The following EPHB1 variants were observed in gnomAD, a reference collection of about 807,000 sequenced individuals.
EPHB1 encodes ephrin type-B receptor 1.
A neutral mutation model predicts 94.4 loss-of-function variants in EPHB1; 30 were observed. The observed-to-expected ratio is 0.32, with a 90% CI of 0.24 to 0.43. The LOEUF is 0.43. Among genes scored for constraint, EPHB1 ranks in the 20% least tolerant of loss-of-function variants. EPHB1 has a pLI of 1.00. For missense variants in EPHB1, 1,055 were observed against 1,308.3 expected, an observed-to-expected ratio of 0.81 and a Z score of 2.99; for synonymous variants, 522 against 489.1, an observed-to-expected ratio of 1.07 and a Z score of -0.89.
At chr3:135,174,822 G>A (rs1336778682) in intron 9 of EPHB1, among the ~76,000 whole-genome samples, 8 of 152,118 alleles carry the variant, frequency 5.3e-5, no homozygotes, top group African/African-American at 1.9e-4. Context: ...CCAGAATGAA[G>A]AACAAAAAGC....
chr3:134,979,207 T>A (rs564469031), intron 3 of EPHB1, among the ~76,000 whole-genome samples: 77 of 151,152 alleles, frequency 5.1e-4, no homozygotes, highest in Non-Finnish European at 9.4e-4. Context: ...TATTTTTAAC[T>A]TGGAATATTA....
chr3:134,933,943 C>T (rs562436453), intron 2 of EPHB1, among the ~76,000 whole-genome samples: 9 of 152,224 alleles, frequency 5.9e-5, no homozygotes, highest in Admixed American at 1.3e-4. Flanking sequence ...CTTTCTCAAC[C>T]GAGAGGCCCA....
At chr3:135,030,224 C>T (rs1173392036) in intron 3 of EPHB1, among the ~76,000 whole-genome samples, 3 of 152,326 alleles carry the variant, frequency 2.0e-5, no homozygotes, top group African/African-American at 4.8e-5. Context: ...TCTCTCAGCT[C>T]GTCAAAGTCA....
chr3:135,143,555 G>A (rs1940902674), intron 5 of EPHB1, among the ~76,000 whole-genome samples: 1 of 152,188 alleles, frequency 6.6e-6, no homozygotes, highest in South Asian at 2.1e-4. Context: ...CCTCTCCACT[G>A]CTAGTGTTTG....
At chr3:134,911,224 G>T (rs2038446028) in intron 1 of EPHB1, among the ~76,000 whole-genome samples, 1 of 152,222 alleles carries the variant, frequency 6.6e-6, no homozygotes, top group Non-Finnish European at 1.5e-5. Context: ...GCAAGGTGTG[G>T]CAGCCCATGG....
intron 3 of EPHB1, among the ~76,000 whole-genome samples, chr3:135,045,797 A>G (rs1214941179): frequency 1.3e-5 from 2 of 152,330 alleles, no homozygotes; most frequent in East Asian, 3.9e-4. Flanking sequence ...TAAAAGTTCC[A>G]TTGGAAGTTC....
intron 1 of EPHB1, among the ~76,000 whole-genome samples, chr3:134,814,742 G>A (rs920324357): frequency 7.2e-5 from 11 of 152,178 alleles, no homozygotes; most frequent in Admixed American, 1.3e-4. Context: ...ATCTTGTTGC[G>A]TCCCAAGTCC....
chr3:134,912,223 G>A (rs1189458152), intron 1 of EPHB1, among the ~76,000 whole-genome samples: 2 of 152,212 alleles, frequency 1.3e-5, no homozygotes, highest in Non-Finnish European at 2.9e-5. Context: ...ACAAAGAGCA[G>A]GAGGCAGCAG....
chr3:135,118,497 G>A (rs7647433), intron 4 of EPHB1, among the ~76,000 whole-genome samples: 127,920 of 152,154 alleles, frequency 0.84, 55,607 homozygotes, highest in South Asian at 0.98. Flanking sequence ...TGACTTGCCC[G>A]AGTTTCCACC....
chr3:135,084,998 A>G (rs1419915317), intron 3 of EPHB1, among the ~76,000 whole-genome samples: 1 of 152,190 alleles, frequency 6.6e-6, no homozygotes, highest in Non-Finnish European at 1.5e-5. Context: ...CTACAACAGA[A>G]CTTGCCCGCA....
At chr3:135,096,186 A>G (rs1269364863) in intron 3 of EPHB1, among the ~76,000 whole-genome samples, 1 of 152,254 alleles carries the variant, frequency 6.6e-6, no homozygotes, top group Admixed American at 6.5e-5. Context: ...ACTATATTCC[A>G]GGAATTTTAC....
chr3:134,867,125 T>G (rs906531973), intron 1 of EPHB1, among the ~76,000 whole-genome samples: 1 of 152,150 alleles, frequency 6.6e-6, no homozygotes, highest in African/African-American at 2.4e-5. Flanking sequence ...CTGAGAAGCT[T>G]CTTTTTATAC....
intron 3 of EPHB1, among the ~76,000 whole-genome samples, chr3:134,955,412 C>T (rs1344258834): frequency 1.2e-5 from 1 of 81,824 alleles, no homozygotes; most frequent in African/African-American, 6.5e-5. Flanking sequence ...CCAATTTCAT[C>T]CATGTCCCTA....
At chr3:134,995,302 C>G (rs1934953775) in intron 3 of EPHB1, among the ~76,000 whole-genome samples, 1 of 152,074 alleles carries the variant, frequency 6.6e-6, no homozygotes, top group Non-Finnish European at 1.5e-5. Flanking sequence ...CATTTCCATA[C>G]AAGTTGTTGT....
intron 2 of EPHB1, among the ~76,000 whole-genome samples, chr3:134,935,380 G>T: frequency 6.6e-6 from 1 of 152,216 alleles, no homozygotes; most frequent in Non-Finnish European, 1.5e-5. Flanking sequence ...CCTCTGGGAT[G>T]TTGGCTTTGG....
chr3:134,962,915 C>T (rs1933578324), intron 3 of EPHB1, among the ~76,000 whole-genome samples: 1 of 152,120 alleles, frequency 6.6e-6, no homozygotes, highest in Non-Finnish European at 1.5e-5. Context: ...GGAGCATACA[C>T]CTTCCACTCT....
At chr3:135,208,854 C>T (rs1477078541) in intron 12 of EPHB1, among the ~76,000 whole-genome samples, 2 of 152,104 alleles carry the variant, frequency 1.3e-5, no homozygotes, top group Non-Finnish European at 2.9e-5. Context: ...ATCTTGGATT[C>T]CATATACTCC....
intron 2 of EPHB1, among the ~76,000 whole-genome samples, chr3:134,941,023 G>A (rs1237101580): frequency 6.6e-6 from 1 of 152,200 alleles, no homozygotes; most frequent in Non-Finnish European, 1.5e-5. Flanking sequence ...CTTAAATAAA[G>A]GTGTCCAGAG....
At position 134,811,242 on chromosome 3, in the gene EPHB1, G is replaced by GTTTT. The variant is rs397966930; in HGVS notation, c.58+15571_58+15574dup. Among the ~76,000 whole-genome samples the GTTTT allele has an allele frequency of 3.6e-3, 266 of 73,860 alleles. 57 individuals are homozygous for GTTTT. Among genetic ancestry groups the GTTTT allele is most frequent in the Admixed American group, 5.0e-3 (25 of 4,984 alleles). The allele number at this position is 73,860 out of a possible 152,430, so 48.5% of individuals were successfully genotyped here. On this transcript the variant is annotated intron_variant, in intron 1 of 15. Coordinates refer to ENST00000398015, the MANE Select transcript of EPHB1 (RefSeq NM_004441.5). ...TCTCATAGTTGCCCCTACTAAGAAG[G>GTTTT]TTTTTTTTTTTTTTTTTTTTTCTGT...
Sources: allele counts gnomAD v4.1 joint callset (sites outside exome capture counted in the v4.1 genomes callset), GRCh38; gene constraint gnomAD v4.1.1; transcripts MANE v1.5; gene names NCBI Gene and HGNC (gene_info 2026-07-23, HGNC 2026-07-21).